CCDC178: variants seen among roughly 807,000 people sequenced by gnomAD.
CCDC178 encodes coiled-coil domain containing 178, also known as coiled-coil domain-containing protein 178.
CCDC178 carries 126 observed loss-of-function variants against 117.4 expected under a neutral mutation model. The observed-to-expected ratio is 1.07, with a 90% CI of 0.93 to 1.24. The LOEUF is 1.24. Ranked by LOEUF, CCDC178 falls within the 50% of genes most tolerant of loss-of-function variation. CCDC178 has a pLI of 0.00. For missense variants in CCDC178, 1,030 were observed against 986.9 expected (o/e 1.04, Z -0.59); for synonymous variants, 283 against 313.4 (o/e 0.90, Z 1.02).
chr18:33,224,732 A>G (rs1394422438), intron 17 of CCDC178, 43 bp downstream of exon 17: 1 of 1,255,480 alleles, frequency 8.0e-7, no homozygotes, highest in Non-Finnish European at 1.1e-6. Flanking sequence ...TTACTAACGT[A>G]TATATTTCTG....
At chr18:33,013,472 T>G (rs1156746153) in intron 21 of CCDC178, among the ~76,000 whole-genome samples, 2 of 152,214 alleles carry the variant, frequency 1.3e-5, no homozygotes, top group African/African-American at 2.4e-5. Flanking sequence ...GTACTCAAAG[T>G]GGTGAACCAT....
At chr18:33,101,433 A>G (rs908858838) in intron 20 of CCDC178, among the ~76,000 whole-genome samples, 1 of 151,850 alleles carries the variant, frequency 6.6e-6, no homozygotes, top group Non-Finnish European at 1.5e-5. Flanking sequence ...ATACATTTCT[A>G]CTTCACTGGC....
intron 20 of CCDC178, among the ~76,000 whole-genome samples, chr18:33,161,709 G>A (rs940479060): frequency 6.6e-6 from 1 of 152,026 alleles, no homozygotes; most frequent in Non-Finnish European, 1.5e-5. Context: ...ATAAGAATTT[G>A]TTTCCAGCTT....
At chr18:33,240,299 A>T (rs1467654836) in intron 15 of CCDC178, among the ~76,000 whole-genome samples, 3 of 151,832 alleles carry the variant, frequency 2.0e-5, no homozygotes, top group African/African-American at 7.2e-5. Context: ...TGAAATAAAA[A>T]TGTAATGATC....
chr18:33,243,762 C>T (rs530577472), intron 15 of CCDC178, among the ~76,000 whole-genome samples: 46 of 151,430 alleles, frequency 3.0e-4, no homozygotes, highest in Non-Finnish European at 5.3e-4. Flanking sequence ...GTGACAGCCA[C>T]GGGGAAAATA....
intron 14 of CCDC178, among the ~76,000 whole-genome samples, chr18:33,258,312 G>A (rs972506880): frequency 1.6e-4 from 24 of 151,920 alleles, no homozygotes; most frequent in African/African-American, 5.1e-4. Flanking sequence ...TAGCAACACC[G>A]GCCTCCATTC....
At chr18:33,072,784 T>C (rs147508305) in intron 21 of CCDC178, among the ~76,000 whole-genome samples, 17 of 152,312 alleles carry the variant, frequency 1.1e-4, no homozygotes, top group Admixed American at 2.0e-4. Context: ...GGTAGAACAA[T>C]TCCTCTAAAA....
At chr18:33,037,724 T>C (rs184414808) in intron 21 of CCDC178, among the ~76,000 whole-genome samples, 13 of 152,078 alleles carry the variant, frequency 8.5e-5, no homozygotes, top group African/African-American at 3.1e-4. Context: ...AGTATGGGTA[T>C]ATTTTAAGCC....
intron 11 of CCDC178, among the ~76,000 whole-genome samples, chr18:33,301,184 G>C (rs985250347): frequency 4.5e-4 from 68 of 152,182 alleles, no homozygotes; most frequent in African/African-American, 1.6e-3. Context: ...CCACTCTGGA[G>C]GGTACAAGCC....
chr18:33,389,711 C>A, intron 4 of CCDC178, 82 bp from the exon 5 acceptor site: 1 of 571,000 alleles, frequency 1.8e-6, no homozygotes. Flanking sequence ...ATGTAAAAAA[C>A]TACGTTAGAG....
chr18:33,037,166 C>T (rs2056460499), intron 21 of CCDC178, among the ~76,000 whole-genome samples: 1 of 151,874 alleles, frequency 6.6e-6, no homozygotes, highest in African/African-American at 2.4e-5. Context: ...GTGGCTGGTA[C>T]TTAATCAAAA....
chr18:33,339,203 G>A (rs986164793), intron 9 of CCDC178, among the ~76,000 whole-genome samples: 1 of 151,862 alleles, frequency 6.6e-6, no homozygotes, highest in Admixed American at 6.6e-5. Context: ...GAAATATAGA[G>A]GTTTAAATTA....
intron 14 of CCDC178, among the ~76,000 whole-genome samples, chr18:33,257,650 C>T (rs2059696937): frequency 3.3e-5 from 5 of 152,012 alleles, no homozygotes; most frequent in Admixed American, 3.3e-4. Flanking sequence ...TATAAGTGTT[C>T]TGTAGCAAAA....
chr18:33,428,859 ATGTGCAATTG>A (rs1202474020), intron 2 of CCDC178, among the ~76,000 whole-genome samples: 1 of 151,572 alleles, frequency 6.6e-6, no homozygotes, highest in Non-Finnish European at 1.5e-5. Flanking sequence ...GGACCCTTTA[ATGTGCAATTG>A]TGTGCAGTAA....
intron 20 of CCDC178, among the ~76,000 whole-genome samples, chr18:33,211,361 A>C (rs2059106332): frequency 6.6e-6 from 1 of 151,872 alleles, no homozygotes; most frequent in Non-Finnish European, 1.5e-5. Flanking sequence ...AACATTTTAT[A>C]GGTATAGCTT....
chr18:33,176,740 T>C (rs1037197601), intron 20 of CCDC178, among the ~76,000 whole-genome samples: 1 of 152,216 alleles, frequency 6.6e-6, no homozygotes, highest in Non-Finnish European at 1.5e-5. Flanking sequence ...GTTTCATATT[T>C]GTGTTTAGGT....
chr18:33,398,922 CTTTA>C (rs1381176519), intron 3 of CCDC178, among the ~76,000 whole-genome samples: 1 of 152,114 alleles, frequency 6.6e-6, no homozygotes, highest in Admixed American at 6.5e-5. Context: ...TAAAAAGATA[CTTTA>C]ATTAACAATA....
chr18:33,218,529 GC>G (rs2059194730), intron 18 of CCDC178, among the ~76,000 whole-genome samples: 1 of 152,108 alleles, frequency 6.6e-6, no homozygotes, highest in South Asian at 2.1e-4. Context: ...ACTTGCCAAT[GC>G]CTATGTCCTG....
chr18:33,377,504 A>G (rs1173503981), intron 5 of CCDC178, among the ~76,000 whole-genome samples: 2 of 152,184 alleles, frequency 1.3e-5, no homozygotes, highest in East Asian at 1.9e-4. Context: ...GGACTTAGTC[A>G]CAAATTCTCT....
Sources: allele counts gnomAD v4.1 joint callset (sites outside exome capture counted in the v4.1 genomes callset), GRCh38; gene constraint gnomAD v4.1.1; transcripts MANE v1.5; gene names NCBI Gene and HGNC (gene_info 2026-07-23, HGNC 2026-07-21).